ATP8A2: variants seen among roughly 807,000 people sequenced by gnomAD.
The protein encoded by ATP8A2 is ATPase phospholipid transporting 8A2.
In ATP8A2, 100 loss-of-function variants were observed where a neutral mutation model predicts 165.6. The ratio of observed to expected loss-of-function variants is 0.60; its 90% CI spans 0.51 to 0.71. The LOEUF is 0.71. ATP8A2 is among the 30% of genes least tolerant of loss of function. The pLI is 0.00. For missense variants in ATP8A2, 1,227 were observed against 1,479.5 expected (o/e 0.83, Z 2.80); for synonymous variants, 543 against 548.8 (o/e 0.99, Z 0.15).
intron 33 of ATP8A2, among the ~76,000 whole-genome samples, chr13:25,900,051 T>G (rs11149407): frequency 0.08 from 12,153 of 152,064 alleles, 1,267 homozygotes; most frequent in African/African-American, 0.23. Context: ...ACCAGGATCA[T>G]ACATTTGGAA....
chr13:25,837,232 A>G lies in ATP8A2; in HGVS notation c.2824A>G (p.Arg942Gly). ...ERSCTQESML[R>G]FPQLYKITQN... ...GTCTTGCACTCAGGAGAGCATGCTC[A>G]GGTTTCCCCAGCTCTACAAAATCAC... The change falls in exon 29 of 37, where the codon AGG (arginine) becomes GGG (glycine). Residue 942 changes from arginine (R) to glycine (G), a missense_variant. This residue lies in a region of ATP8A2 where 592 missense variants were observed against 785.6 expected (regional missense o/e 0.75). Coordinates refer to ENST00000381655, the MANE Select transcript of ATP8A2 (RefSeq NM_016529.6). 6.2e-7 allele frequency: 1 copy of G among 1,614,100 alleles called. No individual in the cohort carries two copies. Among genetic ancestry groups the G allele is most frequent in the African/African-American group, 1.3e-5 (1 of 75,010 alleles).
At chr13:25,782,755 T>G (rs974093348) in intron 27 of ATP8A2, among the ~76,000 whole-genome samples, 1 of 152,204 alleles carries the variant, frequency 6.6e-6, no homozygotes, top group Non-Finnish European at 1.5e-5. Flanking sequence ...GTTTTGTTTT[T>G]TTGAGACGGA....
chr13:25,711,540 T>C (rs2043158466), intron 25 of ATP8A2, among the ~76,000 whole-genome samples: 1 of 150,776 alleles, frequency 6.6e-6, no homozygotes, highest in Non-Finnish European at 1.5e-5. Flanking sequence ...TGAGACCACA[T>C]CTCTATATTT....
At chr13:25,462,384 A>C (rs2035527261) in intron 1 of ATP8A2, among the ~76,000 whole-genome samples, 2 of 152,208 alleles carry the variant, frequency 1.3e-5, no homozygotes, top group South Asian at 4.1e-4. Flanking sequence ...AAGAACTCAG[A>C]AAAAATGCTA....
intron 1 of ATP8A2, among the ~76,000 whole-genome samples, chr13:25,426,839 G>A (rs190732833): frequency 1.7e-4 from 26 of 152,182 alleles, no homozygotes; most frequent in South Asian, 1.2e-3. Context: ...CCAGCTACTC[G>A]GGAGGCTGAG....
intron 24 of ATP8A2, among the ~76,000 whole-genome samples, chr13:25,640,771 T>A (rs2041498397): frequency 6.6e-6 from 1 of 152,182 alleles, no homozygotes; most frequent in Non-Finnish European, 1.5e-5. Flanking sequence ...AGCATCATCC[T>A]GATACCAAAG....
At chr13:25,763,027 C>T (rs1305372193) in intron 25 of ATP8A2, among the ~76,000 whole-genome samples, 1 of 152,064 alleles carries the variant, frequency 6.6e-6, no homozygotes, top group Non-Finnish European at 1.5e-5. Context: ...CTAAGGATTC[C>T]GAGAAATGCT....
At chr13:25,881,804 A>G (rs960827023) in intron 33 of ATP8A2, among the ~76,000 whole-genome samples, 4 of 152,182 alleles carry the variant, frequency 2.6e-5, no homozygotes, top group African/African-American at 9.7e-5. Flanking sequence ...GAGGGCTTGT[A>G]GAAATGCTGA....
chr13:25,456,094 G>A (rs2035357407), intron 1 of ATP8A2, among the ~76,000 whole-genome samples: 1 of 152,188 alleles, frequency 6.6e-6, no homozygotes, highest in South Asian at 2.1e-4. Context: ...ATGTGCTCAT[G>A]GCTTTGTCTC....
At chr13:25,720,114 C>T (rs1260836339) in intron 25 of ATP8A2, among the ~76,000 whole-genome samples, 1 of 151,304 alleles carries the variant, frequency 6.6e-6, no homozygotes, top group African/African-American at 2.4e-5. Context: ...AGTTAAAATA[C>T]CCAGCATGAT....
chr13:26,000,856 C>A (rs1417739094), intron 35 of ATP8A2, among the ~76,000 whole-genome samples: 1 of 152,084 alleles, frequency 6.6e-6, no homozygotes, highest in African/African-American at 2.4e-5. Context: ...ATTCAATTTT[C>A]TTTCTCAAAA....
At chr13:25,489,492 T>G (rs2036455949) in intron 2 of ATP8A2, among the ~76,000 whole-genome samples, 1 of 152,192 alleles carries the variant, frequency 6.6e-6, no homozygotes, top group Non-Finnish European at 1.5e-5. Flanking sequence ...GAACTTAGCA[T>G]GCTGCACCAC....
intron 33 of ATP8A2, among the ~76,000 whole-genome samples, chr13:25,951,504 G>C (rs1447336219): frequency 6.6e-6 from 1 of 152,226 alleles, no homozygotes; most frequent in Non-Finnish European, 1.5e-5. Flanking sequence ...GAATGAAAAA[G>C]GCACGGGAGG....
At chr13:25,685,443 T>C (rs1214791979) in intron 24 of ATP8A2, among the ~76,000 whole-genome samples, 1 of 152,202 alleles carries the variant, frequency 6.6e-6, no homozygotes, top group African/African-American at 2.4e-5. Context: ...TGCAGCTGAT[T>C]CTCTAGTGGG....
intron 24 of ATP8A2, among the ~76,000 whole-genome samples, chr13:25,627,499 A>T (rs1215598968): frequency 6.6e-6 from 1 of 152,158 alleles, no homozygotes; most frequent in African/African-American, 2.4e-5. Flanking sequence ...ATCTGATAAG[A>T]TTAGTGTCCT....
chr13:25,769,873 A>G (rs963317593), intron 26 of ATP8A2, among the ~76,000 whole-genome samples: 1 of 152,210 alleles, frequency 6.6e-6, no homozygotes, highest in African/African-American at 2.4e-5. Flanking sequence ...CGAGCCTCGC[A>G]TGCCAGGGCT....
intron 1 of ATP8A2, among the ~76,000 whole-genome samples, chr13:25,387,183 A>G (rs2033086303): frequency 6.6e-6 from 1 of 152,136 alleles, no homozygotes; most frequent in Non-Finnish European, 1.5e-5. Flanking sequence ...AAAGCAATCA[A>G]GGATTTCCAG....
chr13:25,679,591 T>C (rs1424194768), intron 24 of ATP8A2, among the ~76,000 whole-genome samples: 2 of 152,162 alleles, frequency 1.3e-5, no homozygotes, highest in African/African-American at 4.8e-5. Flanking sequence ...TTCTTGGAGT[T>C]TAGGGATTGT....
At chr13:25,913,282 A>C (rs1428225235) in intron 33 of ATP8A2, among the ~76,000 whole-genome samples, 2 of 152,184 alleles carry the variant, frequency 1.3e-5, no homozygotes, top group Non-Finnish European at 1.5e-5. Context: ...ATTTAAGGGA[A>C]AATATCCAAA....
Sources: allele counts gnomAD v4.1 joint callset (sites outside exome capture counted in the v4.1 genomes callset), GRCh38; gene constraint gnomAD v4.1.1; regional missense constraint gnomAD v4.1.1; transcripts MANE v1.5; gene names NCBI Gene and HGNC (gene_info 2026-07-23, HGNC 2026-07-21).